RALY: variants seen among roughly 807,000 people sequenced by gnomAD.
RALY encodes the protein RNA-binding protein Raly.
In RALY, 15 loss-of-function variants were observed where a neutral mutation model predicts 30.7. The ratio of observed to expected loss-of-function variants is 0.49; its 90% CI spans 0.33 to 0.75. The LOEUF (loss-of-function observed/expected upper bound fraction) is 0.75. RALY is among the 30% of genes least tolerant of loss of function. The pLI, the probability that RALY is intolerant of heterozygous loss-of-function variation, is 0.02. For synonymous variants in RALY, 177 were observed against 170.8 expected (o/e 1.04, Z -0.28); for missense variants, 339 against 414.3 (o/e 0.82, Z 1.58).
At chr20:34,002,860 A>T (rs2030981862) in intron 1 of RALY, among the ~76,000 whole-genome samples, 1 of 152,102 alleles carries the variant, frequency 6.6e-6, no homozygotes, top group South Asian at 2.1e-4. Flanking sequence ...TTTCATGTTG[A>T]ATTATTTTAA....
At chr20:34,029,939 T>G (rs756452876) in intron 1 of RALY, 1 of 152,258 alleles carries the variant, frequency 6.6e-6, no homozygotes, top group Non-Finnish European at 1.5e-5. Context: ...TAAATGCCTA[T>G]TAAATGGCCG....
intron 2 of RALY, among the ~76,000 whole-genome samples, chr20:34,048,557 C>T (rs1017692953): frequency 6.6e-6 from 1 of 152,074 alleles, no homozygotes; most frequent in African/African-American, 2.4e-5. Context: ...ACTTCCAGGT[C>T]AAGAATATTT....
At chr20:34,020,350 G>T (rs1400579136) in intron 1 of RALY, among the ~76,000 whole-genome samples, 2 of 152,190 alleles carry the variant, frequency 1.3e-5, no homozygotes, top group African/African-American at 4.8e-5. Flanking sequence ...GATAATATTG[G>T]CAAAGGGATG....
At chr20:34,010,258 G>A (rs1269399576) in intron 1 of RALY, among the ~76,000 whole-genome samples, 12 of 151,970 alleles carry the variant, frequency 7.9e-5, no homozygotes. Flanking sequence ...TCTTCCAGTG[G>A]CACTCTGTTG....
Position 34,003,585 on chromosome 20 carries a change from G to A in RALY, c.-93+9454G>A, listed in dbSNP as rs990620393. ...AGTAAGTGTTCTCTAACCTCATACT[G>A]TAAGTCCTAGGTTAGGCATATGTTT... On this transcript the variant is annotated intron_variant, in intron 1 of 9. Transcript: ENST00000246194. Among the ~76,000 whole-genome samples, 7 of 150,290 alleles carry A rather than the reference G, an allele frequency of 4.7e-5. No homozygotes were observed. The South Asian group carries it at 1.5e-3, about 32-fold the overall frequency.
intron 2 of RALY, among the ~76,000 whole-genome samples, chr20:34,042,813 G>A (rs994346640): frequency 6.6e-6 from 1 of 152,176 alleles, no homozygotes; most frequent in Non-Finnish European, 1.5e-5. Flanking sequence ...TTACTGCAGA[G>A]TTTTAAAACA....
chr20:34,025,135 C>T (rs1003690139), intron 1 of RALY, among the ~76,000 whole-genome samples: 8 of 152,150 alleles, frequency 5.3e-5, no homozygotes, highest in African/African-American at 1.9e-4. Context: ...TTGGAGGCTG[C>T]CTTCAGGGGA....
At chr20:34,011,312 C>T (rs1428191531) in intron 1 of RALY, among the ~76,000 whole-genome samples, 4 of 152,154 alleles carry the variant, frequency 2.6e-5, no homozygotes, top group Admixed American at 1.3e-4. Flanking sequence ...GGTCTGGCAT[C>T]GCCAGACCTC....
Position 34,073,649 on chromosome 20 carries a change from ACTGT to A in RALY, c.329+26_329+29del, listed in dbSNP as rs753776800. On this transcript the variant is annotated intron_variant, in intron 4 of 9. Coordinates refer to ENST00000246194, the MANE Select transcript of RALY (RefSeq NM_016732.3). ...TGCCATATACAGGTGGGGCTGTCTG[ACTGT>A]CTGTCTGTCTGGTGGGATGACTCTC... 3.2e-5 allele frequency: 51 copies of A among 1,575,830 alleles called. No homozygotes were observed. The highest frequency in any genetic ancestry group is 9.5e-5 in the African/African-American group (7 of 74,026).
At chr20:33,994,693 C>G (rs957289624) in intron 1 of RALY, among the ~76,000 whole-genome samples, 7 of 152,052 alleles carry the variant, frequency 4.6e-5, no homozygotes, top group African/African-American at 1.7e-4. Context: ...GGGCCGTATC[C>G]GCGTTTCACT....
At chr20:34,013,215 C>T (rs1439506803) in intron 1 of RALY, among the ~76,000 whole-genome samples, 1 of 151,474 alleles carries the variant, frequency 6.6e-6, no homozygotes, top group African/African-American at 2.4e-5. Context: ...GCAACATAGA[C>T]TTCATCTCTT....
rs1045096106 is a variant in RALY at position 34,034,843 on chromosome 20, T to C, written c.-10+3239T>C. 2.0e-5 allele frequency among the ~76,000 whole-genome samples: 3 copies of C among 150,860 alleles called. No homozygotes were observed. In the South Asian group the frequency reaches 6.3e-4, roughly 32 times the overall value. On this transcript the variant is annotated intron_variant, in intron 2 of 9. Transcript: ENST00000246194. ...TGAAAGCTGACTGAAAGGGGAGGGG[T>C]GAAAGAAGAAGTTAAAACAACAGTC...
intron 1 of RALY, among the ~76,000 whole-genome samples, chr20:34,018,121 G>A (rs758600272): frequency 1.3e-5 from 2 of 152,180 alleles, no homozygotes; most frequent in Admixed American, 1.3e-4. Flanking sequence ...TAAAGGGGTG[G>A]GCATTAGAGC....
At chr20:34,060,959 T>C (rs920143514) in intron 2 of RALY, among the ~76,000 whole-genome samples, 7 of 152,176 alleles carry the variant, frequency 4.6e-5, no homozygotes, top group African/African-American at 1.7e-4. Flanking sequence ...CTTAGGTAAG[T>C]ACAGTAGCAT....
intron 2 of RALY, among the ~76,000 whole-genome samples, chr20:34,051,134 A>T (rs909055086): frequency 6.6e-6 from 1 of 152,178 alleles, no homozygotes; most frequent in South Asian, 2.1e-4. Flanking sequence ...TCACATCTTT[A>T]TATATTACAG....
intron 1 of RALY, among the ~76,000 whole-genome samples, chr20:34,028,683 GAC>G (rs1000213595): frequency 8.8e-6 from 1 of 114,074 alleles, no homozygotes; most frequent in Non-Finnish European, 1.6e-5. Context: ...CAGCATGGGT[GAC>G]AGAGCGAGAG....
intron 1 of RALY, among the ~76,000 whole-genome samples, chr20:34,021,967 C>T (rs1254969712): frequency 6.6e-6 from 1 of 151,370 alleles, no homozygotes; most frequent in South Asian, 2.1e-4. Context: ...GTTGCCCAGG[C>T]TGGTCCTCAA....
intron 2 of RALY, among the ~76,000 whole-genome samples, chr20:34,040,086 G>C (rs1219939009): frequency 1.3e-5 from 2 of 151,900 alleles, no homozygotes; most frequent in African/African-American, 2.4e-5. Flanking sequence ...ACTCCAGCCT[G>C]GGCGACAGAG....
intron 2 of RALY, among the ~76,000 whole-genome samples, chr20:34,068,791 C>T (rs2033647952): frequency 6.6e-6 from 1 of 152,162 alleles, no homozygotes; most frequent in South Asian, 2.1e-4. Flanking sequence ...CCTTTCCCAC[C>T]TCTATCCCTC....
Sources: allele counts gnomAD v4.1 joint callset (sites outside exome capture counted in the v4.1 genomes callset), GRCh38; gene constraint gnomAD v4.1.1; transcripts MANE v1.5; gene names NCBI Gene and HGNC (gene_info 2026-07-23, HGNC 2026-07-21).